MTUS1: variants seen among roughly 807,000 people sequenced by gnomAD.
The protein encoded by MTUS1 is microtubule-associated tumor suppressor 1.
In MTUS1, 109 loss-of-function variants were observed where a neutral mutation model predicts 120.8. The observed-to-expected ratio is 0.90, with a 90% CI of 0.77 to 1.06. The LOEUF (loss-of-function observed/expected upper bound fraction) is 1.06. Among genes scored for constraint, MTUS1 ranks in the 50% least tolerant of loss-of-function variants. The pLI, the probability that MTUS1 is intolerant of heterozygous loss-of-function variation, is 0.00. For missense variants in MTUS1, 2,210 were observed against 1,486.3 expected, an observed-to-expected ratio of 1.49 and a Z score of -8.01; for synonymous variants, 737 against 550.5, an observed-to-expected ratio of 1.34 and a Z score of -4.74.
chr8:17,645,681 G>A lies in MTUS1; in HGVS notation c.*245C>T, dbSNP rs1341949366. On this transcript the variant is annotated 3_prime_UTR_variant, in exon 15 of 15. Transcript: ENST00000693296. ...TTCTTTAAGTGCTTTGTGCAACAACGTCCGTGTCGATGCCGAAATCTTTTT... is the reference window on the plus strand; with the variant it reads ...TTCTTTAAGTGCTTTGTGCAACAACATCCGTGTCGATGCCGAAATCTTTTT... 9 of 445,994 alleles carry A rather than the reference G, an allele frequency of 2.0e-5. No individual in the cohort carries two copies. The East Asian group carries it at 2.1e-4, about 10-fold the overall frequency. 27.6% of individuals were successfully genotyped at this position (445,994 alleles called of 1,614,324 possible). A position where few individuals can be genotyped will look rare whatever the true frequency, so the allele number is the denominator to read the frequency against.
At chr8:17,676,710 C>G (rs1813201300) in intron 7 of MTUS1, among the ~76,000 whole-genome samples, 1 of 152,114 alleles carries the variant, frequency 6.6e-6, no homozygotes, top group African/African-American at 2.4e-5. Flanking sequence ...ACTTGTGAGC[C>G]TTTTTCTTCC....
At chr8:17,753,595 A>T in intron 2 of MTUS1, 122 bp downstream of exon 2, 1 of 656,732 alleles carries the variant, frequency 1.5e-6, no homozygotes, top group Non-Finnish European at 2.5e-6. Flanking sequence ...ATTAACAACT[A>T]AATGTAAATC....
intron 8 of MTUS1, among the ~76,000 whole-genome samples, chr8:17,657,799 C>CAAAAAA (rs1216051789): frequency 1.1e-5 from 1 of 91,258 alleles, no homozygotes; most frequent in South Asian, 3.7e-4. Context: ...GACCCTATCT[C>CAAAAAA]AAAAAAAAAA....
intron 4 of MTUS1, chr8:17,723,388 T>G: frequency 2.2e-6 from 1 of 456,708 alleles, no homozygotes; most frequent in Non-Finnish European, 4.0e-6. Context: ...CCAGTTAGAG[T>G]CCAAATCCCC....
chr8:17,658,140 C>T (rs111424348), intron 8 of MTUS1, among the ~76,000 whole-genome samples: 23,894 of 151,526 alleles, frequency 0.16, 2,485 homozygotes, highest in African/African-American at 0.28. Flanking sequence ...CAGGTTCAAG[C>T]GATTCTCCTG....
intron 6 of MTUS1, among the ~76,000 whole-genome samples, chr8:17,698,491 C>A (rs1018180734): frequency 6.6e-6 from 1 of 152,174 alleles, no homozygotes; most frequent in African/African-American, 2.4e-5. Context: ...GAGCTCTTAA[C>A]ATTTTTAAAA....
Position 17,769,634 on chromosome 8 carries a change from AC to A in MTUS1, c.-154-13674del, listed in dbSNP as rs773419406. Among the ~76,000 whole-genome samples, 64 of 152,140 alleles carry A rather than the reference AC, an allele frequency of 4.2e-4. 1 individual carries two copies. Among genetic ancestry groups the A allele is most frequent in the East Asian group, 1.7e-3 (9 of 5,176 alleles). ...AGTGCTGGGATTACAGGCGTGAGCC[AC>A]CCGCGCCCGGCCCTTAGTCAGTAAT... On this transcript the variant is annotated intron_variant, in intron 1 of 14. Transcript: ENST00000693296.
chr8:17,688,611 C>T (rs1816326749), intron 6 of MTUS1, among the ~76,000 whole-genome samples: 1 of 152,208 alleles, frequency 6.6e-6, no homozygotes, highest in South Asian at 2.1e-4. Flanking sequence ...AAAGCCCTCA[C>T]AGGGACACTG....
At chr8:17,740,553 C>T (rs1442508814) in intron 3 of MTUS1, among the ~76,000 whole-genome samples, 2 of 152,224 alleles carry the variant, frequency 1.3e-5, no homozygotes, top group South Asian at 2.1e-4. Context: ...CTACTTTTAA[C>T]TCTGTGGCGA....
intron 7 of MTUS1, among the ~76,000 whole-genome samples, chr8:17,679,343 ATG>A (rs201891250): frequency 0.048 from 4,800 of 100,818 alleles, 181 homozygotes; most frequent in South Asian, 0.21. Flanking sequence ...ATACATATGC[ATG>A]TGTGCGCGCG....
intron 1 of MTUS1, among the ~76,000 whole-genome samples, chr8:17,790,732 A>C (rs973757702): frequency 1.3e-5 from 2 of 152,178 alleles, no homozygotes; most frequent in Non-Finnish European, 2.9e-5. Flanking sequence ...TACTCCTATA[A>C]TCCCAGCACT....
intron 1 of MTUS1, among the ~76,000 whole-genome samples, chr8:17,793,815 C>G (rs765718717): frequency 6.6e-6 from 1 of 152,218 alleles, no homozygotes; most frequent in Admixed American, 6.5e-5. Flanking sequence ...AAACTTTGGT[C>G]AAGTCAGCAG....
intron 1 of MTUS1, among the ~76,000 whole-genome samples, chr8:17,794,082 C>T (rs144370084): frequency 0.02 from 2,977 of 152,232 alleles, 109 homozygotes; most frequent in African/African-American, 0.069. Flanking sequence ...AGTCCCAGCA[C>T]TTTGGGAGGC....
intron 1 of MTUS1, among the ~76,000 whole-genome samples, chr8:17,797,364 G>C (rs1327274424): frequency 2.0e-5 from 3 of 152,150 alleles, no homozygotes; most frequent in Admixed American, 2.0e-4. Context: ...AGTAAGCTAT[G>C]ATCATGCTAC....
intron 2 of MTUS1, among the ~76,000 whole-genome samples, chr8:17,745,257 T>C (rs949883045): frequency 3.3e-5 from 5 of 152,194 alleles, no homozygotes; most frequent in African/African-American, 1.2e-4. Flanking sequence ...CTGGCAGATA[T>C]CAAAATCCAT....
In MTUS1 at chr8:17,676,233, C is replaced by A. The variant is rs554230669; in HGVS notation, c.2839-981G>T. 1.0e-5 allele frequency: 7 copies of A among 702,930 alleles called. No individual in the cohort carries two copies. The East Asian group carries it at 1.9e-4, about 19-fold the overall frequency. The allele number at this position is 702,930 out of a possible 1,614,324, so 43.5% of individuals were successfully genotyped here. A position where few individuals can be genotyped will look rare whatever the true frequency, so the allele number is the denominator to read the frequency against. On this transcript the variant is annotated intron_variant, in intron 7 of 14. Coordinates refer to ENST00000693296, the MANE Select transcript of MTUS1 (RefSeq NM_001363059.2). The stretch of plus-strand genomic sequence containing the variant: ...ATTCCAGACAGCCTCTGCAGTAGTC[C>A]TGACATTCTTCCAGAAAAGCACTAT...
intron 1 of MTUS1, among the ~76,000 whole-genome samples, chr8:17,767,076 T>A (rs998276774): frequency 6.6e-6 from 1 of 150,734 alleles, no homozygotes; most frequent in African/African-American, 2.4e-5. Context: ...GGAGAATGAA[T>A]GGAAATCACT....
rs1276923993 is a variant in MTUS1, at chr8:17,668,419, C to T, written c.2905+6767G>A. On this transcript the variant is annotated intron_variant, in intron 8 of 14. Transcript: ENST00000693296. ...ATCATAATCATGGCCCTCTATTGCA[C>T]CAGCTGTTATTCAACATGACTCTGG... Among the ~76,000 whole-genome samples, 6 of 152,268 alleles carry T rather than the reference C, an allele frequency of 3.9e-5. No individual in the cohort carries two copies. In the East Asian group the frequency reaches 9.7e-4, roughly 24 times the overall value.
At chr8:17,647,763 G>A (rs1440719877) in intron 13 of MTUS1, among the ~76,000 whole-genome samples, 2 of 152,188 alleles carry the variant, frequency 1.3e-5, no homozygotes, top group Non-Finnish European at 2.9e-5. Flanking sequence ...TAAGATGCCT[G>A]AGGACATTTA....
Sources: gnomAD v4.1 joint callset for allele counts (sites outside exome capture counted in the v4.1 genomes callset) on GRCh38, gnomAD v4.1.1 for gene constraint, MANE v1.5 for transcripts, NCBI Gene and HGNC (gene_info 2026-07-23, HGNC 2026-07-21) for gene names.